Variants in SLC26A7 observed in about 807,000 individuals in gnomAD.
The protein encoded by SLC26A7 is anion exchange transporter.
A neutral mutation model predicts 82.5 loss-of-function variants in SLC26A7; 59 were observed. That is an observed-to-expected ratio of 0.72 (90% CI 0.58 to 0.89). The LOEUF is 0.89. Among genes scored for constraint, SLC26A7 ranks in the 40% least tolerant of loss-of-function variants. SLC26A7 has a pLI of 0.00. For missense variants in SLC26A7, 820 were observed against 793.0 expected (o/e 1.03, Z -0.41); for synonymous variants, 271 against 274.3 (o/e 0.99, Z 0.12).
chr8:91,394,524 T>C (rs1808512695), intron 18 of SLC26A7: 1 of 1,313,468 alleles, frequency 7.6e-7, no homozygotes, highest in Non-Finnish European at 9.7e-7. Context: ...GCTGGGCTTA[T>C]GGTTTAGTTT....
intron 2 of SLC26A7, among the ~76,000 whole-genome samples, chr8:91,250,186 T>G (rs573563737): frequency 6.6e-6 from 1 of 152,236 alleles, no homozygotes; most frequent in East Asian, 1.9e-4. Flanking sequence ...TGAATCAAGC[T>G]ATAAAATACT....
chr8:91,369,237 G>A (rs1004227044), intron 14 of SLC26A7, among the ~76,000 whole-genome samples: 10 of 152,262 alleles, frequency 6.6e-5, no homozygotes, highest in Non-Finnish European at 8.8e-5. Context: ...ATATAGTGAC[G>A]AGTGAAGAAA....
intron 2 of SLC26A7, among the ~76,000 whole-genome samples, chr8:91,225,263 G>A (rs1810217409): frequency 6.6e-6 from 1 of 152,200 alleles, no homozygotes; most frequent in African/African-American, 2.4e-5. Context: ...ATAAGAATCT[G>A]CGAGTTCTGG....
intron 18 of SLC26A7, chr8:91,394,385 C>A (rs748738272): frequency 6.0e-6 from 9 of 1,510,856 alleles, no homozygotes; most frequent in Non-Finnish European, 7.9e-6. Flanking sequence ...TATAAAAACT[C>A]TAAATATGGC....
upstream of SLC26A7, among the ~76,000 whole-genome samples, chr8:91,245,970 C>T (rs1810539209): frequency 6.6e-6 from 1 of 152,174 alleles, no homozygotes; most frequent in Non-Finnish European, 1.5e-5. Context: ...GGTTTTTCTT[C>T]TCTTTGTGCT....
At chr8:91,286,467 G>A (rs1008356299) in intron 2 of SLC26A7, among the ~76,000 whole-genome samples, 2 of 152,132 alleles carry the variant, frequency 1.3e-5, no homozygotes, top group Non-Finnish European at 2.9e-5. Context: ...AATCAGCCAT[G>A]TAAAGATTTC....
intron 4 of SLC26A7, among the ~76,000 whole-genome samples, chr8:91,302,821 T>C (rs1056028353): frequency 2.7e-5 from 4 of 147,042 alleles, no homozygotes; most frequent in Non-Finnish European, 4.5e-5. Context: ...CCCTTCTCTT[T>C]TTTTTTTTTT....
chr8:91,387,833 C>A lies in SLC26A7; in HGVS notation c.1676-1505C>A, dbSNP rs1023882954. On this transcript the variant is annotated intron_variant, in intron 15 of 18. Coordinates refer to ENST00000276609, the MANE Select transcript of SLC26A7 (RefSeq NM_052832.4). ...ATAAGACCTCACTCATATTTGTTATCACCCACTCCTTAAAAAAATTACTCC... is the reference window on the plus strand; with the variant it reads ...ATAAGACCTCACTCATATTTGTTATAACCCACTCCTTAAAAAAATTACTCC... 2.0e-5 allele frequency among the ~76,000 whole-genome samples: 3 copies of A among 152,148 alleles called. 1 individual carries two copies. Among genetic ancestry groups the A allele is most frequent in the Middle Eastern group, 6.3e-3 (2 of 316 alleles).
rs750147903 is a variant in SLC26A7 at position 91,295,660 on chromosome 8, T to C, written c.434T>C (p.Ile145Thr). 2 of 1,614,058 alleles carry C rather than the reference T, an allele frequency of 1.2e-6. No individual in the cohort carries two copies. The highest frequency in any genetic ancestry group is 2.2e-5 in the South Asian group (2 of 91,062). Reference sequence around the variant, plus strand: ...TTATCCGACTTTGAAATGCAAAGGATCCACGTTGCTGCAGCAGTTTCCTTC... The same window carrying C: ...TTATCCGACTTTGAAATGCAAAGGACCCACGTTGCTGCAGCAGTTTCCTTC... ...LGLSDFEMQR[I>T]HVAAAVSFLG... is the part of the protein sequence containing the mutation. Residue 145 changes from isoleucine to threonine, a missense_variant, in exon 4 of 19, where the codon ATC becomes ACC. Coordinates refer to ENST00000276609, the MANE Select transcript of SLC26A7 (RefSeq NM_052832.4).
intron 9 of SLC26A7, chr8:91,348,420 T>C: frequency 1.1e-6 from 1 of 898,036 alleles, no homozygotes; most frequent in Non-Finnish European, 1.3e-6. Context: ...TAAAAATGCA[T>C]GTATGGTCAT....
chr8:91,295,236 G>C (rs546886969), intron 3 of SLC26A7, among the ~76,000 whole-genome samples: 1 of 152,176 alleles, frequency 6.6e-6, no homozygotes, highest in Middle Eastern at 3.2e-3. Context: ...CTTATTTCCT[G>C]TACCAGGACA....
Position 91,249,373 on chromosome 8 carries a change from A to G in SLC26A7, c.-154A>G, listed in dbSNP as rs1810595193. 4.1e-6 allele frequency: 1 copy of G among 245,154 alleles called. No individual in the cohort carries two copies. The highest frequency in any genetic ancestry group is 7.7e-6 in the Non-Finnish European group (1 of 129,752). 15.2% of individuals were successfully genotyped at this position (245,154 alleles called of 1,614,324 possible). ...TTTTCCAAGACCAGAAAAAAATATT[A>G]CATGAACAGGAACTACTTCTCCTTC... On this transcript the variant is annotated 5_prime_UTR_variant, in exon 1 of 19. Coordinates refer to ENST00000276609, the MANE Select transcript of SLC26A7 (RefSeq NM_052832.4).
At position 91,362,380 on chromosome 8, in the gene SLC26A7, A is replaced by G. The variant is rs758882629; in HGVS notation, c.1342A>G (p.Thr448Ala). Residue 448 changes from threonine (T) to alanine (A), a missense_variant, in exon 12 of 19, where the codon ACA (threonine) becomes GCA (alanine). By Grantham distance (58) the Thr-to-Ala change is moderately conservative. Coordinates refer to ENST00000276609, the MANE Select transcript of SLC26A7 (RefSeq NM_052832.4). ...WGIWVSTYVF[T>A]ICFAANVGLL... Reference sequence around the variant, plus strand: ...AATATGGGTCAGTACATATGTATTTACAATATGCTTTGCTGCCAATGTGGG... The same window carrying G: ...AATATGGGTCAGTACATATGTATTTGCAATATGCTTTGCTGCCAATGTGGG... 3 of 1,613,152 alleles carry G rather than the reference A, an allele frequency of 1.9e-6. No homozygotes were observed. In the South Asian group the frequency reaches 3.3e-5, roughly 18 times the overall value.
At chr8:91,300,727 AT>A (rs1812144637) in intron 4 of SLC26A7, among the ~76,000 whole-genome samples, 1 of 152,188 alleles carries the variant, frequency 6.6e-6, no homozygotes, top group Non-Finnish European at 1.5e-5. Flanking sequence ...ACAAAATCAT[AT>A]GACTGGTGAT....
chr8:91,363,941 GT>G (rs5893169), intron 13 of SLC26A7, among the ~76,000 whole-genome samples: 60,802 of 135,320 alleles, frequency 0.45, 13,714 homozygotes, highest in African/African-American at 0.63. Flanking sequence ...TCATGGTATT[GT>G]TTTTTTTTTT....
chr8:91,394,688 C>G, intron 18 of SLC26A7: 2 of 1,079,574 alleles, frequency 1.9e-6, no homozygotes, highest in Non-Finnish European at 2.3e-6. Flanking sequence ...ATAATAATAA[C>G]ACTATTATTA....
intron 8 of SLC26A7, among the ~76,000 whole-genome samples, chr8:91,341,772 A>G (rs974057813): frequency 2.8e-4 from 43 of 152,156 alleles, no homozygotes; most frequent in African/African-American, 9.9e-4. Context: ...CTTTGGTCTC[A>G]TACCCTTTTA....
At chr8:91,306,755 G>T (rs1405648205) in intron 4 of SLC26A7, among the ~76,000 whole-genome samples, 1 of 151,242 alleles carries the variant, frequency 6.6e-6, no homozygotes, top group African/African-American at 2.4e-5. Flanking sequence ...TGTTGCTCAG[G>T]CTGGAGTACA....
At chr8:91,333,877 T>C (rs995130134) in intron 5 of SLC26A7, among the ~76,000 whole-genome samples, 5 of 152,320 alleles carry the variant, frequency 3.3e-5, no homozygotes, top group African/African-American at 1.2e-4. Flanking sequence ...TTAACTCTTT[T>C]GTGTGTGTTC....
Sources: allele counts gnomAD v4.1 joint callset (sites outside exome capture counted in the v4.1 genomes callset), GRCh38; gene constraint gnomAD v4.1.1; transcripts MANE v1.5; gene names NCBI Gene and HGNC (gene_info 2026-07-23, HGNC 2026-07-21).